Variants in DEK observed in about 807,000 individuals in gnomAD.
DEK encodes the protein protein DEK.
Under a neutral mutation model 46.8 loss-of-function variants are expected in DEK, and 28 were observed. The ratio of observed to expected loss-of-function variants is 0.60; its 90% CI spans 0.44 to 0.82. DEK has a LOEUF of 0.82. Among genes scored for constraint, DEK ranks in the 40% least tolerant of loss-of-function variants. The pLI, the probability that DEK is intolerant of heterozygous loss-of-function variation, is 0.00. For missense variants in DEK, 416 were observed against 430.6 expected (o/e 0.97, Z 0.30); for synonymous variants, 160 against 144.5 (o/e 1.11, Z -0.77).
chr6:18,227,385 A>G (rs927015727), intron 9 of DEK, among the ~76,000 whole-genome samples: 1 of 152,192 alleles, frequency 6.6e-6, no homozygotes, highest in African/African-American at 2.4e-5. Context: ...ATGTGTATGC[A>G]TATCTAAAGC....
At chr6:18,252,509 CA>C (rs61626818) in intron 6 of DEK, among the ~76,000 whole-genome samples, 237 of 29,124 alleles carry the variant, frequency 8.1e-3, no homozygotes, top group African/African-American at 0.019. Flanking sequence ...ACGCTGTCTC[CA>C]AAAAAAAAAA....
chr6:18,227,004 A>G (rs536606857), intron 9 of DEK, among the ~76,000 whole-genome samples: 2 of 152,286 alleles, frequency 1.3e-5, no homozygotes, highest in African/African-American at 4.8e-5. Flanking sequence ...CCACTCCCTA[A>G]TCTCAAGTAC....
intron 8 of DEK, 68 bp downstream of exon 8, chr6:18,237,313 T>C (rs539063870): frequency 3.0e-5 from 45 of 1,509,346 alleles, no homozygotes; most frequent in Non-Finnish European, 3.8e-5. Context: ...CACACTTAAA[T>C]ACTATGTACA....
At position 18,231,410 on chromosome 6, in the gene DEK, A is replaced by C. The variant is rs892543085; in HGVS notation, c.1047+5042T>G. Among the ~76,000 whole-genome samples the C allele has an allele frequency of 3.9e-5, 6 of 152,204 alleles. No homozygotes were observed. The South Asian group carries it at 1.2e-3, about 31-fold the overall frequency. ...AGACACAGACACAAAAAAACCTTCA[A>C]AAAAAGCAATTAATCCAGGAGCTGG... On this transcript the variant is annotated intron_variant, in intron 9 of 10. Coordinates refer to ENST00000652689, the MANE Select transcript of DEK (RefSeq NM_003472.4).
At chr6:18,246,705 G>T (rs899299433) in intron 7 of DEK, among the ~76,000 whole-genome samples, 18 of 152,100 alleles carry the variant, frequency 1.2e-4, no homozygotes, top group African/African-American at 4.3e-4. Flanking sequence ...AGCCAAAGGA[G>T]AACTATAAAC....
intron 9 of DEK, among the ~76,000 whole-genome samples, chr6:18,227,354 C>T (rs1790185917): frequency 6.6e-6 from 1 of 152,194 alleles, no homozygotes; most frequent in South Asian, 2.1e-4. Flanking sequence ...GGCAGTAATA[C>T]TGTAAGGCAT....
rs1445834508 is a variant in DEK at position 18,264,448 on chromosome 6, C to A, written c.-73G>T. The A allele has an allele frequency of 1.1e-5, 3 of 276,700 alleles. No homozygotes were observed. The highest frequency in any genetic ancestry group is 5.9e-5 in the South Asian group (2 of 33,908). 17.1% of individuals were successfully genotyped at this position (276,700 alleles called of 1,614,324 possible). On this transcript the variant is annotated 5_prime_UTR_variant, in exon 1 of 11. Transcript: ENST00000652689. ...ACGAGGAGGTTCTGGGAGGCGGCGG[C>A]GGCCGACGCCGAGGAGAAGGCGCGC...
intron 9 of DEK, among the ~76,000 whole-genome samples, chr6:18,234,751 A>C (rs1167740733): frequency 6.6e-6 from 1 of 151,870 alleles, no homozygotes; most frequent in Admixed American, 6.6e-5. Flanking sequence ...CTCCTTTCCC[A>C]CCAAATTGCT....
chr6:18,231,764 C>T (rs1790422945), intron 9 of DEK, among the ~76,000 whole-genome samples: 2 of 152,318 alleles, frequency 1.3e-5, no homozygotes, highest in African/African-American at 4.8e-5. Context: ...GATGGATTCA[C>T]AGCTGAATTC....
At chr6:18,229,126 G>T (rs183864460) in intron 9 of DEK, among the ~76,000 whole-genome samples, 464 of 152,322 alleles carry the variant, frequency 3.0e-3, no homozygotes, top group Non-Finnish European at 5.4e-3. Context: ...GGCAAACAGG[G>T]TCTGCAGTGG....
chr6:18,264,010 G>A lies in DEK; in HGVS notation c.-9-14C>T, dbSNP rs200170611. The stretch of plus-strand genomic sequence containing the variant: ...CATGCTGTGAACCTGCATGCGGGAA[G>A]AAAGCCGGACGTCTCGGTCCTCCTA... On this transcript the variant is annotated splice_polypyrimidine_tract_variant and intron_variant, in intron 1 of 10. Coordinates refer to ENST00000652689, the MANE Select transcript of DEK (RefSeq NM_003472.4). 146 of 1,588,938 alleles carry A rather than the reference G, an allele frequency of 9.2e-5. 1 individual carries two copies. In the Middle Eastern group the frequency reaches 1.0e-3, roughly 11 times the overall value.
rs1026343837 is a variant in DEK at position 18,224,889 on chromosome 6, C to A, written c.*830G>T. ...CTGTCCTTATATAATATAAAACGTA[C>A]CTACAGACACTTTTACAGAGTTAAT... On this transcript the variant is annotated 3_prime_UTR_variant, in exon 11 of 11. Coordinates refer to ENST00000652689, the MANE Select transcript of DEK (RefSeq NM_003472.4). 6 of 212,078 alleles carry A rather than the reference C, an allele frequency of 2.8e-5. No individual in the cohort carries two copies. Among genetic ancestry groups the A allele is most frequent in the African/African-American group, 1.1e-4 (5 of 44,184 alleles). 13.1% of individuals were successfully genotyped at this position (212,078 alleles called of 1,614,324 possible).
intron 5 of DEK, 135 bp from the exon 6 acceptor site, chr6:18,255,986 CTTTTTTCT>C: frequency 1.0e-6 from 1 of 952,568 alleles, no homozygotes; most frequent in Non-Finnish European, 1.4e-6. Flanking sequence ...TTCTATGAAT[CTTTTTTCT>C]TTTTTTTTTT....
intron 4 of DEK, 68 bp from the exon 5 acceptor site, chr6:18,256,523 C>G (rs577771658): frequency 7.5e-7 from 1 of 1,341,364 alleles, no homozygotes; most frequent in Non-Finnish European, 1.0e-6. Context: ...AATTCAAAGC[C>G]AATTCAAAGT....
Position 18,263,997 on chromosome 6 carries a change from C to T in DEK, c.-9-1G>A. On this transcript the variant is annotated splice_acceptor_variant, in intron 1 of 10. Transcript: ENST00000652689. LOFTEE classifies it low-confidence loss of function (5UTR_SPLICE). Reference sequence around the variant, plus strand: ...GGGCCGAGGCGGACATGCTGTGAACCTGCATGCGGGAAGAAAGCCGGACGT... The same window carrying T: ...GGGCCGAGGCGGACATGCTGTGAACTTGCATGCGGGAAGAAAGCCGGACGT... 2 of 1,593,888 alleles carry T rather than the reference C, an allele frequency of 1.3e-6. No individual in the cohort carries two copies. The highest frequency in any genetic ancestry group is 1.7e-6 in the Non-Finnish European group (2 of 1,170,678).
Position 18,242,087 on chromosome 6 carries a change from A to C in DEK, c.763-4571T>G, listed in dbSNP as rs146634233. On this transcript the variant is annotated intron_variant, in intron 7 of 10. Transcript: ENST00000652689. ...GAGAACTCTGAAGATAGAAGTACATAAACAAGAAGCTTTAGAAAGAATAGG... is the reference window on the plus strand; with the variant it reads ...GAGAACTCTGAAGATAGAAGTACATCAACAAGAAGCTTTAGAAAGAATAGG... 2.4e-3 allele frequency among the ~76,000 whole-genome samples: 371 copies of C among 152,364 alleles called. 2 individuals are homozygous for C. The highest frequency in any genetic ancestry group is 7.8e-3 in the African/African-American group (323 of 41,588).
At chr6:18,251,686 A>G (rs938456119) in intron 6 of DEK, among the ~76,000 whole-genome samples, 8 of 152,180 alleles carry the variant, frequency 5.3e-5, no homozygotes, top group African/African-American at 1.9e-4. Flanking sequence ...CTTTGATAGC[A>G]CCGTTTGGAG....
chr6:18,231,952 G>A (rs532736470), intron 9 of DEK, among the ~76,000 whole-genome samples: 1 of 152,242 alleles, frequency 6.6e-6, no homozygotes, highest in African/African-American at 2.4e-5. Context: ...GAACATCGAC[G>A]CAAAAATCCT....
At chr6:18,250,629 G>C (rs1791335122) in intron 6 of DEK, among the ~76,000 whole-genome samples, 1 of 138,260 alleles carries the variant, frequency 7.2e-6, no homozygotes, top group Non-Finnish European at 1.5e-5. Context: ...TGCAGTAGCT[G>C]GGATTACAAG....
Sources: allele counts gnomAD v4.1 joint callset (sites outside exome capture counted in the v4.1 genomes callset), GRCh38; gene constraint gnomAD v4.1.1; transcripts MANE v1.5; gene names NCBI Gene and HGNC (gene_info 2026-07-23, HGNC 2026-07-21).